The following GPHN variants were observed in gnomAD, a reference collection of about 807,000 sequenced individuals.
GPHN encodes the protein gephyrin.
In GPHN, 17 loss-of-function variants were observed where a neutral mutation model predicts 95.5. That is an observed-to-expected ratio of 0.18 (90% confidence interval 0.12 to 0.27). The LOEUF is 0.27. GPHN is among the 10% of genes least tolerant of loss of function. The pLI is 1.00. For synonymous variants in GPHN, 320 were observed against 322.5 expected (o/e 0.99, Z 0.08); for missense variants, 660 against 978.1 (o/e 0.67, Z 4.34).
intron 10 of GPHN, among the ~76,000 whole-genome samples, chr14:67,039,080 A>G (rs1259643044): frequency 6.6e-6 from 1 of 152,152 alleles, no homozygotes; most frequent in Non-Finnish European, 1.5e-5. Context: ...CTACTTTTCT[A>G]CTGAAAATCT....
In GPHN at chr14:66,942,597, C is replaced by T. The variant is rs751315910; in HGVS notation, c.828+18305C>T. On this transcript the variant is annotated intron_variant, in intron 8 of 22. Transcript: ENST00000478722. ...TGTGGTTTATAATAACTTGACATAA[C>T]AACCTTAATTATGATTGATAGCATA... 1.0e-3 allele frequency among the ~76,000 whole-genome samples: 155 copies of T among 152,280 alleles called. 1 individual carries two copies. The highest frequency in any genetic ancestry group is 2.1e-3 in the Non-Finnish European group (140 of 68,022).
intron 5 of GPHN, among the ~76,000 whole-genome samples, chr14:66,883,023 T>G (rs1466692451): frequency 6.6e-6 from 1 of 151,884 alleles, no homozygotes; most frequent in African/African-American, 2.4e-5. Context: ...GCAATTTGAT[T>G]ATGATGTATC....
the GPHN span, among the ~76,000 whole-genome samples, chr14:67,236,079 TGTG>T: frequency 2.0e-5 from 3 of 152,232 alleles, no homozygotes; most frequent in Admixed American, 1.3e-4. Flanking sequence ...CCATTTGTTT[TGTG>T]GTGAGAACAT....
chr14:67,302,618 C>A, the GPHN span: 1 of 1,296,482 alleles, frequency 7.7e-7, no homozygotes, highest in Non-Finnish European at 1.0e-6. Flanking sequence ...TTAGAAAGCT[C>A]TTATTAGACT....
intron 20 of GPHN, among the ~76,000 whole-genome samples, chr14:67,165,567 G>A (rs532284698): frequency 1.3e-5 from 2 of 152,280 alleles, no homozygotes; most frequent in African/African-American, 4.8e-5. Context: ...GAAATTGGTC[G>A]AAGTTAGCAG....
chr14:66,570,667 T>C (rs1291527530), intron 1 of GPHN, among the ~76,000 whole-genome samples: 4 of 152,200 alleles, frequency 2.6e-5, no homozygotes, highest in African/African-American at 4.8e-5. Context: ...AATTGTTCTA[T>C]TTTTAATTTT....
chr14:67,645,897 A>G, the GPHN span: 3 of 1,390,938 alleles, frequency 2.2e-6, no homozygotes, highest in Non-Finnish European at 3.0e-6. Flanking sequence ...GGGTGGGTTG[A>G]GTGTGGATTA....
chr14:67,461,416 G>T, the GPHN span, among the ~76,000 whole-genome samples: 2 of 152,202 alleles, frequency 1.3e-5, no homozygotes, highest in African/African-American at 4.8e-5. Context: ...GTTCCCAGGG[G>T]TACATGGAGC....
At chr14:66,671,652 T>A (rs1418280470) in intron 1 of GPHN, among the ~76,000 whole-genome samples, 1 of 152,200 alleles carries the variant, frequency 6.6e-6, no homozygotes, top group Admixed American at 6.5e-5. Context: ...ATGTAAAGGC[T>A]TTATTAATTA....
At chr14:66,860,885 A>G (rs1027432021) in intron 4 of GPHN, among the ~76,000 whole-genome samples, 1 of 152,104 alleles carries the variant, frequency 6.6e-6, no homozygotes, top group Non-Finnish European at 1.5e-5. Context: ...TACAATAGCT[A>G]CAAAAAAATA....
intron 9 of GPHN, among the ~76,000 whole-genome samples, chr14:66,995,955 T>A (rs1381240657): frequency 7.2e-6 from 1 of 139,788 alleles, no homozygotes; most frequent in Non-Finnish European, 1.5e-5. Context: ...GAGGGAGTCA[T>A]CTCCATCATG....
chr14:67,411,025 TAG>T, the GPHN span, among the ~76,000 whole-genome samples: 1 of 150,574 alleles, frequency 6.6e-6, no homozygotes, highest in South Asian at 2.1e-4. Context: ...TGGATACCTG[TAG>T]TCCCAGCTAC....
At chr14:67,182,568 T>G (rs964257689), downstream of GPHN, among the ~76,000 whole-genome samples, 1 of 152,238 alleles carries the variant, frequency 6.6e-6, no homozygotes, top group South Asian at 2.1e-4. Flanking sequence ...AATCCTTTTA[T>G]GTACATTCAT....
chr14:66,840,171 C>T (rs976070997), intron 4 of GPHN, among the ~76,000 whole-genome samples: 3 of 151,924 alleles, frequency 2.0e-5, no homozygotes, highest in Non-Finnish European at 4.4e-5. Flanking sequence ...CCCATCTACT[C>T]GGGAGGCTGA....
intron 1 of GPHN, among the ~76,000 whole-genome samples, chr14:66,629,241 A>ATATTTATAT (rs1566729731): frequency 4.8e-5 from 7 of 146,494 alleles, no homozygotes; most frequent in East Asian, 2.0e-4. Flanking sequence ...ATATAAATAT[A>ATATTTATAT]AAACACACGT....
chr14:67,721,624 A>G, the GPHN span, among the ~76,000 whole-genome samples: 6 of 152,248 alleles, frequency 3.9e-5, no homozygotes, highest in South Asian at 1.2e-3. Flanking sequence ...GTGAGATAGC[A>G]AGGGAGATAC....
intron 5 of GPHN, among the ~76,000 whole-genome samples, chr14:66,905,282 A>G (rs2065323929): frequency 6.6e-6 from 1 of 151,946 alleles, no homozygotes; most frequent in Admixed American, 6.6e-5. Context: ...GTTTTTAATT[A>G]TTTCAATCTG....
intron 3 of GPHN, among the ~76,000 whole-genome samples, chr14:66,818,868 C>T (rs2061084113): frequency 6.6e-6 from 1 of 152,118 alleles, no homozygotes; most frequent in African/African-American, 2.4e-5. Flanking sequence ...TGTTCATATG[C>T]TTATAGGACA....
intron 2 of GPHN, among the ~76,000 whole-genome samples, chr14:66,733,402 C>T (rs780773342): frequency 6.6e-6 from 1 of 151,224 alleles, no homozygotes; most frequent in Admixed American, 6.6e-5. Context: ...TATTAGAATT[C>T]ATAATATTTA....
Sources: gnomAD v4.1 joint callset for allele counts (sites outside exome capture counted in the v4.1 genomes callset) on GRCh38, gnomAD v4.1.1 for gene constraint, MANE v1.5 for transcripts, NCBI Gene and HGNC (gene_info 2026-07-23, HGNC 2026-07-21) for gene names.